ELOVL7: variants seen among roughly 807,000 people sequenced by gnomAD.
The protein encoded by ELOVL7 is ELOVL fatty acid elongase 7.
Under a neutral mutation model 35.7 loss-of-function variants are expected in ELOVL7, and 27 were observed. The observed-to-expected ratio is 0.76, with a 90% confidence interval of 0.56 to 1.04. The LOEUF (loss-of-function observed/expected upper bound fraction) is 1.04, where lower values mean the gene tolerates loss of function less well. Among genes scored for constraint, ELOVL7 ranks in the 50% least tolerant of loss-of-function variants. The pLI is 0.00. For synonymous variants in ELOVL7, 113 were observed against 114.6 expected (o/e 0.99, Z 0.09); for missense variants, 327 against 340.8 (o/e 0.96, Z 0.32).
Position 60,834,354 on chromosome 5 carries a change from C to T in ELOVL7, c.-86+9806G>A, listed in dbSNP as rs548962044. On this transcript the variant is annotated intron_variant, in intron 1 of 8. Coordinates refer to ENST00000508821, the MANE Select transcript of ELOVL7 (RefSeq NM_024930.3). ...TAGAGACGGGGTTTCACCGTGTTAG[C>T]CAGGATGGTCTCCATCTCCTGACCT... Among the ~76,000 whole-genome samples, 66 of 152,264 alleles carry T rather than the reference C, an allele frequency of 4.3e-4. 1 individual carries two copies. The South Asian group carries it at 0.013, about 31-fold the overall frequency.
chr5:60,841,771 TTTTG>T (rs1390261770), intron 1 of ELOVL7, among the ~76,000 whole-genome samples: 1 of 152,254 alleles, frequency 6.6e-6, no homozygotes, highest in Non-Finnish European at 1.5e-5. Flanking sequence ...TGTTTTCATA[TTTTG>T]TTTTGTCAAG....
intron 1 of ELOVL7, chr5:60,802,583 G>C (rs1315243410): frequency 6.6e-6 from 1 of 152,178 alleles, no homozygotes; most frequent in African/African-American, 2.4e-5. Context: ...GAAATATGGG[G>C]ACAGATCTTT....
At chr5:60,831,763 A>T (rs1746492273) in intron 1 of ELOVL7, among the ~76,000 whole-genome samples, 1 of 152,216 alleles carries the variant, frequency 6.6e-6, no homozygotes, top group Non-Finnish European at 1.5e-5. Context: ...CTAGGACAAA[A>T]AGTACCTTAT....
intron 1 of ELOVL7, among the ~76,000 whole-genome samples, chr5:60,799,493 G>A (rs1744463748): frequency 6.6e-6 from 1 of 151,962 alleles, no homozygotes; most frequent in African/African-American, 2.4e-5. Flanking sequence ...TGAAAGAAGA[G>A]ACATTGCAAC....
intron 7 of ELOVL7, among the ~76,000 whole-genome samples, chr5:60,762,432 T>C (rs1397892021): frequency 6.6e-6 from 1 of 152,114 alleles, no homozygotes; most frequent in Non-Finnish European, 1.5e-5. Context: ...AATGCTCAAT[T>C]GTATTCATTA....
chr5:60,781,741 T>C (rs895303142), intron 3 of ELOVL7, among the ~76,000 whole-genome samples: 17 of 152,208 alleles, frequency 1.1e-4, no homozygotes, highest in African/African-American at 2.4e-5. Flanking sequence ...AGAAATTCTA[T>C]TTCAGCAAAA....
intron 7 of ELOVL7, among the ~76,000 whole-genome samples, chr5:60,760,118 T>C (rs1478492920): frequency 1.3e-5 from 2 of 152,334 alleles, no homozygotes; most frequent in African/African-American, 4.8e-5. Flanking sequence ...TGTGTCTTTA[T>C]AGCAGCATGA....
At chr5:60,780,195 C>T (rs1333806080) in intron 3 of ELOVL7, among the ~76,000 whole-genome samples, 1 of 148,634 alleles carries the variant, frequency 6.7e-6, no homozygotes, top group Non-Finnish European at 1.5e-5. Flanking sequence ...TCTCGGCTCA[C>T]TGCAACCTCT....
intron 1 of ELOVL7, among the ~76,000 whole-genome samples, chr5:60,836,010 TGAA>T (rs1363010165): frequency 6.6e-6 from 1 of 151,970 alleles, no homozygotes; most frequent in Non-Finnish European, 1.5e-5. Context: ...TATAGGGAAA[TGAA>T]GAGCATAGGC....
chr5:60,775,945 C>A (rs763989229), intron 3 of ELOVL7, among the ~76,000 whole-genome samples: 2 of 152,126 alleles, frequency 1.3e-5, no homozygotes, highest in Non-Finnish European at 2.9e-5. Context: ...ATGACCAAGT[C>A]CTCAAAAGCA....
intron 7 of ELOVL7, among the ~76,000 whole-genome samples, chr5:60,761,292 C>T (rs1741894808): frequency 2.6e-5 from 4 of 152,044 alleles, no homozygotes; most frequent in Admixed American, 2.6e-4. Context: ...AAAAACCTAC[C>T]ACAGAAATAT....
chr5:60,832,498 T>C (rs1746538264), intron 1 of ELOVL7, among the ~76,000 whole-genome samples: 1 of 152,136 alleles, frequency 6.6e-6, no homozygotes, highest in African/African-American at 2.4e-5. Context: ...CCCAAGTTGC[T>C]GGGACTACAG....
chr5:60,830,605 CTTTCT>C (rs1324172893), intron 1 of ELOVL7, among the ~76,000 whole-genome samples: 2 of 139,724 alleles, frequency 1.4e-5, no homozygotes, highest in African/African-American at 5.2e-5. Flanking sequence ...TTTTTTCTTT[CTTTCT>C]TTTTTTTTTT....
intron 6 of ELOVL7, 79 bp downstream of exon 6, chr5:60,766,495 G>T (rs1038541758): frequency 2.4e-6 from 3 of 1,235,316 alleles, no homozygotes; most frequent in Non-Finnish European, 3.5e-6. Flanking sequence ...GCAGTTTATT[G>T]GTTTCACTGA....
rs536759378 is a variant in ELOVL7 at position 60,784,618 on chromosome 5, C to T, written c.64+2716G>A. Among the ~76,000 whole-genome samples the T allele has an allele frequency of 3.9e-5, 6 of 152,262 alleles. No homozygotes were observed. In the South Asian group the frequency reaches 1.0e-3, roughly 26 times the overall value. On this transcript the variant is annotated intron_variant, in intron 3 of 8. Transcript: ENST00000508821. ...TTCCTTACGCTACTCAGGGTTAGGGCTAAAGCCAAGAATACACTTGAAATT... is the reference window on the plus strand; with the variant it reads ...TTCCTTACGCTACTCAGGGTTAGGGTTAAAGCCAAGAATACACTTGAAATT...
At chr5:60,839,374 T>C (rs1037186536) in intron 1 of ELOVL7, among the ~76,000 whole-genome samples, 1 of 152,142 alleles carries the variant, frequency 6.6e-6, no homozygotes, top group Non-Finnish European at 1.5e-5. Flanking sequence ...ATTATGATGG[T>C]ATGCCAACTT....
Position 60,753,334 on chromosome 5 carries a change from A to C in ELOVL7, c.*1290T>G, listed in dbSNP as rs192016127. The C allele has an allele frequency of 7.2e-5, 11 of 152,318 alleles. No individual in the cohort carries two copies. The highest frequency in any genetic ancestry group is 2.6e-4 in the African/African-American group (11 of 41,572). 9.4% of individuals were successfully genotyped at this position (152,318 alleles called of 1,614,324 possible). ...TAAAAATAACAGAAAGAAACTAGCA[A>C]TTTTAAAGAAACAAAGTGTATGCCA... On this transcript the variant is annotated 3_prime_UTR_variant, in exon 9 of 9. Coordinates refer to ENST00000508821, the MANE Select transcript of ELOVL7 (RefSeq NM_024930.3).
chr5:60,830,870 T>C (rs1746444543), intron 1 of ELOVL7, among the ~76,000 whole-genome samples: 1 of 152,096 alleles, frequency 6.6e-6, no homozygotes, highest in African/African-American at 2.4e-5. Flanking sequence ...AATTTTTGCT[T>C]GGTAGAGAAT....
At chr5:60,840,841 C>T (rs781664247) in intron 1 of ELOVL7, among the ~76,000 whole-genome samples, 4 of 152,050 alleles carry the variant, frequency 2.6e-5, no homozygotes, top group Non-Finnish European at 5.9e-5. Context: ...ATAAGTATTA[C>T]TATAACTTAG....
Sources: gnomAD v4.1 joint callset for allele counts (sites outside exome capture counted in the v4.1 genomes callset) on GRCh38, gnomAD v4.1.1 for gene constraint, MANE v1.5 for transcripts, NCBI Gene and HGNC (gene_info 2026-07-23, HGNC 2026-07-21) for gene names.